Variants in CDK14 observed in about 807,000 individuals in gnomAD.
CDK14 encodes the protein cyclin dependent kinase 14, also known as cyclin-dependent kinase 14.
In CDK14, 34 loss-of-function variants were observed where a neutral mutation model predicts 60.7. The observed-to-expected ratio is 0.56, with a 90% CI of 0.43 to 0.75. The LOEUF (loss-of-function observed/expected upper bound fraction) is 0.75, where lower values mean the gene tolerates loss of function less well. Ranked by LOEUF, CDK14 falls within the 30% of genes least tolerant of loss-of-function variation. CDK14 has a pLI of 0.00. For missense variants in CDK14, 482 were observed against 564.1 expected (o/e 0.85, Z 1.47); for synonymous variants, 197 against 203.7 (o/e 0.97, Z 0.28).
chr7:90,663,101 CACACACACACACACA>C (rs753439752), intron 2 of CDK14, among the ~76,000 whole-genome samples: 6 of 146,002 alleles, frequency 4.1e-5, no homozygotes, highest in Non-Finnish European at 6.1e-5. Flanking sequence ...TGGGAACACA[CACACACACACACACA>C]CACACACACA....
chr7:91,176,340 G>A (rs1193830813), intron 14 of CDK14, among the ~76,000 whole-genome samples: 2 of 152,150 alleles, frequency 1.3e-5, no homozygotes, highest in Admixed American at 6.5e-5. Flanking sequence ...AGCACTAAAT[G>A]CCCACAAGAG....
chr7:90,638,788 C>G (rs1800233791), intron 2 of CDK14, among the ~76,000 whole-genome samples: 1 of 152,060 alleles, frequency 6.6e-6, no homozygotes, highest in African/African-American at 2.4e-5. Context: ...TAGATTTGGT[C>G]TTTTCACATA....
At chr7:91,147,381 A>T (rs1800687553) in intron 14 of CDK14, among the ~76,000 whole-genome samples, 1 of 152,000 alleles carries the variant, frequency 6.6e-6, no homozygotes, top group African/African-American at 2.4e-5. Context: ...CACTTCTCTG[A>T]TGGAAAATGT....
At chr7:90,671,656 G>T (rs1801100871) in intron 2 of CDK14, among the ~76,000 whole-genome samples, 2 of 152,074 alleles carry the variant, frequency 1.3e-5, no homozygotes, top group Non-Finnish European at 2.9e-5. Context: ...TGATGGCATT[G>T]TGGGAGAAAG....
At chr7:90,948,992 A>G (rs1794177382) in intron 8 of CDK14, among the ~76,000 whole-genome samples, 1 of 152,236 alleles carries the variant, frequency 6.6e-6, no homozygotes, top group Non-Finnish European at 1.5e-5. Flanking sequence ...AATTTCACTT[A>G]AAGTTGTTAT....
intron 12 of CDK14, among the ~76,000 whole-genome samples, chr7:91,091,055 C>T (rs1394525646): frequency 4.0e-5 from 6 of 151,252 alleles, no homozygotes; most frequent in East Asian, 1.9e-4. Context: ...ACAAATAAAG[C>T]GTAGGTTTGT....
At position 91,109,473 on chromosome 7, in the gene CDK14, T is replaced by G. The variant is rs567812746; in HGVS notation, c.1155-3069T>G. ...ATTACATGGAAATAGAATGCATAAC[T>G]TCTAGAAGTTATACTTCTAAAATAG... On this transcript the variant is annotated intron_variant, in intron 12 of 14. Coordinates refer to ENST00000380050, the MANE Select transcript of CDK14 (RefSeq NM_001287135.2). Among the ~76,000 whole-genome samples the G allele has an allele frequency of 2.0e-3, 305 of 152,188 alleles. 4 individuals carry two copies. The highest frequency in any genetic ancestry group is 6.9e-3 in the African/African-American group (286 of 41,560).
chr7:90,767,834 G>A (rs1057321816), intron 4 of CDK14, among the ~76,000 whole-genome samples: 1 of 152,140 alleles, frequency 6.6e-6, no homozygotes, highest in African/African-American at 2.4e-5. Flanking sequence ...GCCCTCTTGA[G>A]CCTCCACCTG....
chr7:90,623,523 T>C (rs1799817038), intron 2 of CDK14, among the ~76,000 whole-genome samples: 2 of 152,340 alleles, frequency 1.3e-5, no homozygotes, highest in Middle Eastern at 3.4e-3. Flanking sequence ...ACCTGAAGTG[T>C]TCTGAATATT....
At chr7:91,194,039 C>T (rs1562989993) in intron 14 of CDK14, among the ~76,000 whole-genome samples, 1 of 152,140 alleles carries the variant, frequency 6.6e-6, no homozygotes, top group South Asian at 2.1e-4. Context: ...TGGAGACAGT[C>T]CTATCCATAC....
intron 14 of CDK14, among the ~76,000 whole-genome samples, chr7:91,174,470 G>T (rs1053239294): frequency 6.6e-6 from 1 of 151,936 alleles, no homozygotes; most frequent in Non-Finnish European, 1.5e-5. Flanking sequence ...TGACTTTGAC[G>T]AGCTGAGAGA....
At chr7:91,200,187 A>G (rs1162970170) in intron 14 of CDK14, among the ~76,000 whole-genome samples, 23 of 152,224 alleles carry the variant, frequency 1.5e-4, no homozygotes, top group Admixed American at 1.5e-3. Flanking sequence ...TTCTGAATTC[A>G]GTATGAAGTT....
chr7:91,081,670 CA>C (rs993079589), intron 12 of CDK14, among the ~76,000 whole-genome samples: 4 of 152,030 alleles, frequency 2.6e-5, no homozygotes, highest in Admixed American at 2.6e-4. Flanking sequence ...ACAAAAGACC[CA>C]GTTTATTTTG....
intron 4 of CDK14, among the ~76,000 whole-genome samples, chr7:90,752,266 A>G (rs1408604373): frequency 6.7e-6 from 1 of 148,420 alleles, no homozygotes; most frequent in African/African-American, 2.5e-5. Context: ...ATGCTCAGTC[A>G]TAAAGCAAGT....
At chr7:91,154,592 T>C (rs911755532) in intron 14 of CDK14, among the ~76,000 whole-genome samples, 2 of 152,148 alleles carry the variant, frequency 1.3e-5, no homozygotes, top group Admixed American at 1.3e-4. Flanking sequence ...TGAGAAGCAA[T>C]TCCATCTCAG....
chr7:91,058,839 T>G (rs578117984), intron 11 of CDK14, among the ~76,000 whole-genome samples: 1 of 152,212 alleles, frequency 6.6e-6, no homozygotes, highest in Non-Finnish European at 1.5e-5. Flanking sequence ...CATCAATGTT[T>G]ATCACGGATA....
At chr7:90,728,198 C>G (rs2116717153) in intron 3 of CDK14, among the ~76,000 whole-genome samples, 1 of 152,108 alleles carries the variant, frequency 6.6e-6, no homozygotes, top group East Asian at 1.9e-4. Context: ...CTAGGACTTT[C>G]TTTTCATCCC....
chr7:91,178,543 A>G (rs1356584987), intron 14 of CDK14, among the ~76,000 whole-genome samples: 1 of 151,502 alleles, frequency 6.6e-6, no homozygotes, highest in Non-Finnish European at 1.5e-5. Context: ...AATGAGAGAA[A>G]ATTTTCACAA....
intron 3 of CDK14, among the ~76,000 whole-genome samples, chr7:90,744,877 C>T (rs1163608628): frequency 3.5e-5 from 5 of 141,708 alleles, no homozygotes; most frequent in South Asian, 2.4e-4. Flanking sequence ...CCGGACGGGG[C>T]GGCTGGCCGG....
Sources: allele counts gnomAD v4.1 joint callset (sites outside exome capture counted in the v4.1 genomes callset), GRCh38; gene constraint gnomAD v4.1.1; transcripts MANE v1.5; gene names NCBI Gene and HGNC (gene_info 2026-07-23, HGNC 2026-07-21).